Variants in FSHR observed in about 807,000 individuals in gnomAD.
The protein encoded by FSHR is follicle stimulating hormone receptor.
FSHR carries 46 observed loss-of-function variants against 52.1 expected under a neutral mutation model. That is an observed-to-expected ratio of 0.88 (90% confidence interval 0.70 to 1.13). The LOEUF (loss-of-function observed/expected upper bound fraction) is 1.13, where lower values mean the gene tolerates loss of function less well. Ranked by LOEUF, FSHR falls within the 50% of genes most tolerant of loss-of-function variation. FSHR has a pLI of 0.00. For missense variants in FSHR, 964 were observed against 834.6 expected, an observed-to-expected ratio of 1.16 and a Z score of -1.91; for synonymous variants, 399 against 309.6, an observed-to-expected ratio of 1.29 and a Z score of -3.03.
At chr2:48,980,124 G>A (rs542291902) in intron 8 of FSHR, among the ~76,000 whole-genome samples, 7 of 152,186 alleles carry the variant, frequency 4.6e-5, no homozygotes, top group African/African-American at 1.7e-4. Context: ...CCCCAGAAAG[G>A]GGGGCTTGAT....
chr2:49,080,906 T>A (rs1476723207), intron 1 of FSHR, among the ~76,000 whole-genome samples: 2 of 152,150 alleles, frequency 1.3e-5, no homozygotes, highest in African/African-American at 4.8e-5. Context: ...ATTACCTAGG[T>A]CCAGGTATCT....
chr2:49,127,770 T>TTCTTCC (rs1672069240), intron 1 of FSHR, among the ~76,000 whole-genome samples: 1 of 39,010 alleles, frequency 2.6e-5, no homozygotes, highest in African/African-American at 1.2e-4. Flanking sequence ...CTTCTTCTTC[T>TTCTTCC]TCTTCTTCTT....
At position 49,081,137 on chromosome 2, in the gene FSHR, T is replaced by A. The variant is rs530314509; in HGVS notation, c.153-12847A>T. On this transcript the variant is annotated intron_variant, in intron 1 of 9. Transcript: ENST00000406846. ...GGTGTGATTCCTTTCTCTTGGGTTC[T>A]GTGAGTATAACAAATTATCTTTTCA... Among the ~76,000 whole-genome samples the A allele has an allele frequency of 2.0e-5, 3 of 152,322 alleles. No homozygotes were observed. In the South Asian group the frequency reaches 6.2e-4, roughly 32 times the overall value.
intron 1 of FSHR, among the ~76,000 whole-genome samples, chr2:49,088,929 CAT>C (rs1283359281): frequency 6.6e-6 from 1 of 152,110 alleles, no homozygotes; most frequent in African/African-American, 2.4e-5. Flanking sequence ...AATCAGAAAA[CAT>C]ATGCATTGAG....
chr2:48,995,707 G>C (rs963507097), intron 4 of FSHR, among the ~76,000 whole-genome samples: 4 of 152,090 alleles, frequency 2.6e-5, no homozygotes, highest in African/African-American at 9.7e-5. Flanking sequence ...ATCATCTCAG[G>C]AATTCACAGA....
At position 49,059,231 on chromosome 2, in the gene FSHR, C is replaced by T. The variant is rs376526832; in HGVS notation, c.224+8988G>A. ...TTAAAAAAATAATAATAAAATAAAA[C>T]AGCCAACAACAATGCCGTCATTCAC... On this transcript the variant is annotated intron_variant, in intron 2 of 9. Transcript: ENST00000406846. Among the ~76,000 whole-genome samples, 8 of 151,708 alleles carry T rather than the reference C, an allele frequency of 5.3e-5. 1 individual carries two copies. Among genetic ancestry groups the T allele is most frequent in the Admixed American group, 4.6e-4 (7 of 15,206 alleles).
rs928477277 is a variant in FSHR at position 49,017,356 on chromosome 2, A to C, written c.374+133T>G. 5 of 661,450 alleles carry C rather than the reference A, an allele frequency of 7.6e-6. No homozygotes were observed. The African/African-American group carries it at 9.2e-5, about 12-fold the overall frequency. 41.0% of individuals were successfully genotyped at this position (661,450 alleles called of 1,614,324 possible). ...AAAATCCATCACCAAGTATCTCTCC[A>C]CCTCCACTTCTGCCCCCCACCACCA... On this transcript the variant is annotated intron_variant, in intron 4 of 9. Coordinates refer to ENST00000406846, the MANE Select transcript of FSHR (RefSeq NM_000145.4).
intron 4 of FSHR, chr2:48,997,306 A>C (rs1432613813): frequency 2.0e-6 from 2 of 984,828 alleles, no homozygotes; most frequent in Admixed American, 6.2e-5. Flanking sequence ...TAACTCTCAT[A>C]TTTAACTGGA....
At chr2:49,138,965 G>A (rs1216679448) in intron 1 of FSHR, among the ~76,000 whole-genome samples, 1 of 152,118 alleles carries the variant, frequency 6.6e-6, no homozygotes, top group East Asian at 1.9e-4. Context: ...AGGTGGTAGT[G>A]GGAGGTCGTC....
chr2:49,105,215 G>T (rs1671180290), intron 1 of FSHR, among the ~76,000 whole-genome samples: 1 of 152,152 alleles, frequency 6.6e-6, no homozygotes, highest in Non-Finnish European at 1.5e-5. Flanking sequence ...CTTGAAAAGT[G>T]AGAAAGGGAG....
At chr2:49,107,231 A>G (rs944914142) in intron 1 of FSHR, among the ~76,000 whole-genome samples, 14 of 151,680 alleles carry the variant, frequency 9.2e-5, no homozygotes, top group Non-Finnish European at 1.8e-4. Flanking sequence ...TTTTTTTTAC[A>G]TGCTGTTCCC....
intron 8 of FSHR, among the ~76,000 whole-genome samples, chr2:48,975,165 G>A (rs1261616017): frequency 6.6e-6 from 1 of 152,092 alleles, no homozygotes; most frequent in Non-Finnish European, 1.5e-5. Flanking sequence ...ATTGGTATGT[G>A]AATCCATGGA....
chr2:49,117,066 G>C (rs138005142), intron 1 of FSHR, among the ~76,000 whole-genome samples: 2 of 152,308 alleles, frequency 1.3e-5, no homozygotes, highest in East Asian at 3.9e-4. Context: ...AGCCCAGTTA[G>C]TGTTAGCTAG....
chr2:48,962,903 G>A lies in FSHR; in HGVS notation c.1918C>T (p.Leu640=), dbSNP rs746078704. The A allele has an allele frequency of 5.6e-6, 9 of 1,614,142 alleles. No individual in the cohort carries two copies. Among genetic ancestry groups the A allele is most frequent in the Non-Finnish European group, 6.8e-6 (8 of 1,180,016 alleles). The change falls in exon 10 of 10, where the codon CTG becomes TTG. Residue 640 remains leucine, a synonymous_variant. Transcript: ENST00000406846. ...TKNFRRDFFI[L]LSKCGCYEMQ... is the part of the protein sequence containing the mutation. ...TCATAGCAGCCACACTTGCTCAGCA[G>A]AATGAAGAAATCTCTGCGAAAGTTT... is the stretch of plus-strand genomic sequence containing the variant.
chr2:48,982,057 GT>G (rs929581443), intron 8 of FSHR, among the ~76,000 whole-genome samples: 52 of 152,244 alleles, frequency 3.4e-4, no homozygotes, highest in Admixed American at 3.1e-3. Context: ...GTCAGTAAGT[GT>G]AGTAGGTCTT....
chr2:49,077,499 G>A (rs68181752), intron 1 of FSHR, among the ~76,000 whole-genome samples: 44,152 of 151,998 alleles, frequency 0.29, 7,329 homozygotes, highest in East Asian at 0.47. Context: ...GATCTCTAAC[G>A]TGCCCTGGAG....
chr2:49,122,969 G>T (rs1257769696), intron 1 of FSHR, among the ~76,000 whole-genome samples: 25 of 152,078 alleles, frequency 1.6e-4, no homozygotes, highest in Non-Finnish European at 1.5e-5. Context: ...TCTTCTCCAA[G>T]AACTGTAGTG....
chr2:48,969,274 A>G (rs1488957075), intron 8 of FSHR, among the ~76,000 whole-genome samples: 1 of 152,216 alleles, frequency 6.6e-6, no homozygotes, highest in Non-Finnish European at 1.5e-5. Flanking sequence ...AACTAGCTAT[A>G]AAAATATTTC....
At chr2:49,109,756 A>T (rs982982555) in intron 1 of FSHR, among the ~76,000 whole-genome samples, 1 of 152,156 alleles carries the variant, frequency 6.6e-6, no homozygotes. Context: ...TTTTTCCTTT[A>T]TGCCATTATG....
Sources: gnomAD v4.1 joint callset for allele counts (sites outside exome capture counted in the v4.1 genomes callset) on GRCh38, gnomAD v4.1.1 for gene constraint, MANE v1.5 for transcripts, NCBI Gene and HGNC (gene_info 2026-07-23, HGNC 2026-07-21) for gene names.